LRP1B: variants seen among roughly 807,000 people sequenced by gnomAD.
The protein encoded by LRP1B is low-density lipoprotein receptor-related protein 1B.
Under a neutral mutation model 556.6 loss-of-function variants are expected in LRP1B, and 217 were observed. The observed-to-expected ratio is 0.39, with a 90% CI of 0.35 to 0.44. LRP1B has a LOEUF of 0.44. LRP1B is among the 20% of genes least tolerant of loss of function. The pLI, the probability that LRP1B is intolerant of heterozygous loss-of-function variation, is 1.00. For missense variants in LRP1B, 5,053 were observed against 5,620.8 expected, an observed-to-expected ratio of 0.90 and a Z score of 3.23; for synonymous variants, 2,047 against 1,865.8, an observed-to-expected ratio of 1.10 and a Z score of -2.50.
chr2:141,863,924 AAC>A (rs2105790811), intron 1 of LRP1B, among the ~76,000 whole-genome samples: 1 of 152,316 alleles, frequency 6.6e-6, no homozygotes, highest in African/African-American at 2.4e-5. Flanking sequence ...AAAATATTCT[AAC>A]ACAATATATT....
intron 1 of LRP1B, among the ~76,000 whole-genome samples, chr2:142,102,340 G>T (rs72994142): frequency 0.025 from 3,842 of 151,534 alleles, 155 homozygotes; most frequent in African/African-American, 0.088. Flanking sequence ...AAAACATGAC[G>T]ATTCCTCTAT....
At chr2:140,328,157 T>TTTTTTCCAC (rs1680596389) in intron 79 of LRP1B, among the ~76,000 whole-genome samples, 2 of 152,008 alleles carry the variant, frequency 1.3e-5, no homozygotes, top group Non-Finnish European at 2.9e-5. Context: ...AGAAACTCAT[T>TTTTTTCCAC]TTTATCTGAA....
chr2:141,269,980 T>C, intron 3 of LRP1B, among the ~76,000 whole-genome samples: 1 of 152,048 alleles, frequency 6.6e-6, no homozygotes, highest in East Asian at 1.9e-4. Context: ...CAAACATGTG[T>C]AAGTGGGACA....
intron 2 of LRP1B, among the ~76,000 whole-genome samples, chr2:141,503,733 C>T (rs2105137350): frequency 6.6e-6 from 1 of 152,098 alleles, no homozygotes; most frequent in East Asian, 1.9e-4. Flanking sequence ...CTTCTTCATA[C>T]TAATACACAA....
intron 11 of LRP1B, among the ~76,000 whole-genome samples, chr2:141,030,297 C>T (rs1006314351): frequency 6.6e-6 from 1 of 152,016 alleles, no homozygotes; most frequent in Non-Finnish European, 1.5e-5. Flanking sequence ...TGAATAGTTA[C>T]ACTGACAAAC....
At chr2:141,847,474 C>T (rs975237399) in intron 1 of LRP1B, among the ~76,000 whole-genome samples, 1 of 151,364 alleles carries the variant, frequency 6.6e-6, no homozygotes, top group Non-Finnish European at 1.5e-5. Context: ...GCAGCTAGGT[C>T]TATAATTGGC....
intron 66 of LRP1B, among the ~76,000 whole-genome samples, chr2:140,422,144 A>G (rs1685472744): frequency 1.3e-5 from 2 of 152,240 alleles, no homozygotes; most frequent in African/African-American, 2.4e-5. Context: ...GGTACTGGGT[A>G]CATATTAGAG....
At chr2:141,428,426 T>C (rs1220562647) in intron 3 of LRP1B, among the ~76,000 whole-genome samples, 1 of 152,058 alleles carries the variant, frequency 6.6e-6, no homozygotes, top group East Asian at 1.9e-4. Flanking sequence ...TAAAAAAAAA[T>C]CTAATGCTAA....
chr2:141,612,073 T>G (rs1478637505), intron 2 of LRP1B, among the ~76,000 whole-genome samples: 2 of 152,206 alleles, frequency 1.3e-5, no homozygotes, highest in Non-Finnish European at 2.9e-5. Flanking sequence ...CACAGAAAGC[T>G]GGATTTTCAA....
chr2:140,362,469 T>A (rs1682556665), intron 72 of LRP1B, among the ~76,000 whole-genome samples: 1 of 151,680 alleles, frequency 6.6e-6, no homozygotes, highest in African/African-American at 2.4e-5. Context: ...TATTTTTAAG[T>A]CAAACACACA....
chr2:141,569,788 A>G (rs1686464114), intron 2 of LRP1B, among the ~76,000 whole-genome samples: 1 of 151,264 alleles, frequency 6.6e-6, no homozygotes, highest in African/African-American at 2.4e-5. Context: ...TTATCATTAA[A>G]AAAATAAATA....
chr2:140,431,432 T>A (rs1685938979), intron 66 of LRP1B, among the ~76,000 whole-genome samples: 1 of 152,138 alleles, frequency 6.6e-6, no homozygotes, highest in Non-Finnish European at 1.5e-5. Context: ...TTGTCATCCC[T>A]ACTATCTTCT....
chr2:140,352,580 C>T (rs1682019030), intron 76 of LRP1B, among the ~76,000 whole-genome samples: 1 of 152,108 alleles, frequency 6.6e-6, no homozygotes, highest in Non-Finnish European at 1.5e-5. Context: ...AAATTCCTTT[C>T]TCCTTATAAT....
chr2:141,530,765 T>C (rs573263627), intron 2 of LRP1B, among the ~76,000 whole-genome samples: 10 of 151,932 alleles, frequency 6.6e-5, no homozygotes, highest in Non-Finnish European at 1.3e-4. Flanking sequence ...CAGGTAGCTG[T>C]GAAGAGGAAC....
At chr2:141,326,597 GA>G (rs2105482062) in intron 3 of LRP1B, among the ~76,000 whole-genome samples, 1 of 152,256 alleles carries the variant, frequency 6.6e-6, no homozygotes, top group East Asian at 1.9e-4. Flanking sequence ...TTGTCCCCCA[GA>G]AACATTTGTC....
chr2:142,106,945 TATAAAA>T (rs1374166385), intron 1 of LRP1B, among the ~76,000 whole-genome samples: 2 of 152,084 alleles, frequency 1.3e-5, no homozygotes, highest in African/African-American at 4.8e-5. Flanking sequence ...AGGCATATGT[TATAAAA>T]ATAATTATAA....
intron 2 of LRP1B, among the ~76,000 whole-genome samples, chr2:141,665,861 C>T (rs1014883868): frequency 1.3e-5 from 2 of 152,016 alleles, no homozygotes; most frequent in Non-Finnish European, 2.9e-5. Flanking sequence ...GCCATTTCTA[C>T]ATGTGACTAG....
intron 1 of LRP1B, among the ~76,000 whole-genome samples, chr2:141,811,192 A>G (rs771433144): frequency 6.6e-6 from 1 of 152,044 alleles, no homozygotes; most frequent in African/African-American, 2.4e-5. Context: ...TATTCTTTAC[A>G]TCTTAATATG....
At chr2:141,430,861 G>A (rs919257179) in intron 3 of LRP1B, among the ~76,000 whole-genome samples, 3 of 152,064 alleles carry the variant, frequency 2.0e-5, no homozygotes, top group East Asian at 1.9e-4. Flanking sequence ...TGGGTGTGAC[G>A]GCTCATGCCT....
Sources: allele counts gnomAD v4.1 joint callset (sites outside exome capture counted in the v4.1 genomes callset), GRCh38; gene constraint gnomAD v4.1.1; transcripts MANE v1.5; gene names NCBI Gene and HGNC (gene_info 2026-07-23, HGNC 2026-07-21).